NRXN1: variants seen among roughly 807,000 people sequenced by gnomAD.
NRXN1 encodes neurexin 1.
In NRXN1, 39 loss-of-function variants were observed where a neutral mutation model predicts 150.9. The ratio of observed to expected loss-of-function variants is 0.26; its 90% confidence interval spans 0.20 to 0.34. The LOEUF (loss-of-function observed/expected upper bound fraction) is 0.34, where lower values mean the gene tolerates loss of function less well. Among genes scored for constraint, NRXN1 ranks in the 10% least tolerant of loss-of-function variants. NRXN1 has a pLI of 1.00. For missense variants in NRXN1, 1,815 were observed against 1,949.9 expected (o/e 0.93, Z 1.30); for synonymous variants, 924 against 757.0 (o/e 1.22, Z -3.62).
intron 5 of NRXN1, among the ~76,000 whole-genome samples, chr2:50,638,885 T>C (rs575176116): frequency 6.6e-6 from 1 of 152,292 alleles, no homozygotes; most frequent in South Asian, 2.1e-4. Context: ...TCAAGGGCTT[T>C]GAAAAATTTC....
chr2:49,934,528 G>C (rs868745842), intron 22 of NRXN1, among the ~76,000 whole-genome samples: 1 of 152,102 alleles, frequency 6.6e-6, no homozygotes, highest in Non-Finnish European at 1.5e-5. Context: ...ATTTTCTTTT[G>C]TTGGGAAAAA....
At chr2:50,828,236 T>C (rs1483143806) in intron 5 of NRXN1, among the ~76,000 whole-genome samples, 1 of 148,034 alleles carries the variant, frequency 6.8e-6, no homozygotes, top group African/African-American at 2.5e-5. Flanking sequence ...GAGGCACCCC[T>C]CACCTCCCGG....
At chr2:50,185,207 T>C (rs923835546) in intron 18 of NRXN1, among the ~76,000 whole-genome samples, 10 of 152,052 alleles carry the variant, frequency 6.6e-5, no homozygotes, top group Admixed American at 5.9e-4. Context: ...TAGATCTGAG[T>C]TGAATGCATC....
intron 5 of NRXN1, among the ~76,000 whole-genome samples, chr2:50,844,134 GC>G (rs1673278612): frequency 6.6e-6 from 1 of 152,106 alleles, no homozygotes; most frequent in African/African-American, 2.4e-5. Context: ...TACTAGTCTT[GC>G]AAGATCGGGT....
intron 17 of NRXN1, among the ~76,000 whole-genome samples, chr2:50,350,897 C>A (rs570376467): frequency 3.3e-5 from 5 of 152,238 alleles, no homozygotes; most frequent in African/African-American, 1.2e-4. Context: ...GTCTTCCAGG[C>A]AGATGTCTAG....
At chr2:50,951,156 A>G (rs1307270808) in intron 2 of NRXN1, among the ~76,000 whole-genome samples, 1 of 152,186 alleles carries the variant, frequency 6.6e-6, no homozygotes, top group African/African-American at 2.4e-5. Context: ...ACAGCTCAGG[A>G]TAATTCCTTG....
chr2:50,939,209 TCAA>T (rs1689017654), intron 2 of NRXN1, among the ~76,000 whole-genome samples: 1 of 33,228 alleles, frequency 3.0e-5, no homozygotes, highest in South Asian at 1.6e-3. Context: ...AGACTCCATC[TCAA>T]AAAAAAAAAA....
intron 5 of NRXN1, among the ~76,000 whole-genome samples, chr2:50,706,354 A>G (rs182489756): frequency 6.6e-6 from 1 of 152,186 alleles, no homozygotes; most frequent in East Asian, 1.9e-4. Context: ...CACATCACGC[A>G]TGAGATACAT....
chr2:50,412,470 A>T (rs2083262338), intron 17 of NRXN1, among the ~76,000 whole-genome samples: 1 of 151,960 alleles, frequency 6.6e-6, no homozygotes, highest in African/African-American at 2.4e-5. Context: ...TTCTGCAAGA[A>T]CTCTTAGTTT....
At chr2:50,590,764 T>C (rs956632978) in intron 8 of NRXN1, among the ~76,000 whole-genome samples, 1 of 152,130 alleles carries the variant, frequency 6.6e-6, no homozygotes, top group Non-Finnish European at 1.5e-5. Flanking sequence ...CACCAGACAC[T>C]GAATCTTCCA....
chr2:50,591,381 CAGAT>C (rs59774040), intron 8 of NRXN1, among the ~76,000 whole-genome samples: 35,612 of 134,452 alleles, frequency 0.26, 4,386 homozygotes, highest in Non-Finnish European at 0.28. Context: ...CACTATATAT[CAGAT>C]AGATAGATAG....
chr2:50,819,538 T>C (rs905208788), intron 5 of NRXN1, among the ~76,000 whole-genome samples: 1 of 151,948 alleles, frequency 6.6e-6, no homozygotes, highest in South Asian at 2.1e-4. Context: ...ATAGGGAAGA[T>C]AGGGAGTTGC....
intron 5 of NRXN1, among the ~76,000 whole-genome samples, chr2:50,666,036 T>A (rs1202235262): frequency 6.6e-6 from 1 of 151,970 alleles, no homozygotes. Context: ...TTCGAGCCTC[T>A]TTGTAACCTC....
chr2:50,020,278 G>T (rs1050002669), intron 21 of NRXN1, among the ~76,000 whole-genome samples: 1 of 151,990 alleles, frequency 6.6e-6, no homozygotes, highest in Admixed American at 6.6e-5. Flanking sequence ...GTTCTTAAAT[G>T]GTTTTACTCT....
rs181088434 is a variant in NRXN1 at position 50,379,719 on chromosome 2, G to A, written c.3364+85723C>T. Reference sequence around the variant, plus strand: ...GCAATTTAGAAAAAAATAGAAGGGTGTAAAAAAGGAGGAAATCTCCACAAA... The same window carrying A: ...GCAATTTAGAAAAAAATAGAAGGGTATAAAAAAGGAGGAAATCTCCACAAA... On this transcript the variant is annotated intron_variant, in intron 17 of 22. Coordinates refer to ENST00000401669, the MANE Select transcript of NRXN1 (RefSeq NM_001330078.2). 2.2e-4 allele frequency among the ~76,000 whole-genome samples: 34 copies of A among 152,158 alleles called. No homozygotes were observed. The East Asian group carries it at 6.4e-3, about 29-fold the overall frequency.
chr2:50,751,648 G>C (rs186709439), intron 5 of NRXN1, among the ~76,000 whole-genome samples: 195 of 152,068 alleles, frequency 1.3e-3, no homozygotes, highest in African/African-American at 4.6e-3. Flanking sequence ...ACTGTGAAAA[G>C]GCCTGCATAA....
chr2:50,157,897 T>C lies in NRXN1; in HGVS notation c.3547-66403A>G, dbSNP rs1330072037. Among the ~76,000 whole-genome samples, 3 of 151,772 alleles carry C rather than the reference T, an allele frequency of 2.0e-5. No individual in the cohort carries two copies. The East Asian group carries it at 5.8e-4, about 30-fold the overall frequency. ...TTTGAGGTATTGAGGGGCCATTTCA[T>C]GACTGGGATTAGAGCTGGGGATATG... On this transcript the variant is annotated intron_variant, in intron 18 of 22. Transcript: ENST00000401669.
At chr2:51,030,092 C>T (rs1413727159) in intron 1 of NRXN1, among the ~76,000 whole-genome samples, 1 of 144,912 alleles carries the variant, frequency 6.9e-6, no homozygotes, top group African/African-American at 2.7e-5. Flanking sequence ...TGAAATGGTA[C>T]AGAAATCATA....
At chr2:50,140,614 C>G (rs1707130422) in intron 18 of NRXN1, among the ~76,000 whole-genome samples, 2 of 151,872 alleles carry the variant, frequency 1.3e-5, no homozygotes, top group African/African-American at 4.8e-5. Context: ...CCATTCGATA[C>G]TCTCCTACAG....
Sources: gnomAD v4.1 joint callset for allele counts (sites outside exome capture counted in the v4.1 genomes callset) on GRCh38, gnomAD v4.1.1 for gene constraint, MANE v1.5 for transcripts, NCBI Gene and HGNC (gene_info 2026-07-23, HGNC 2026-07-21) for gene names.